KIF3B: variants seen among roughly 807,000 people sequenced by gnomAD.
The protein encoded by KIF3B is kinesin family member 3B, also known as kinesin-like protein KIF3B.
Under a neutral mutation model 74.3 loss-of-function variants are expected in KIF3B, and 38 were observed. The observed-to-expected ratio is 0.51, with a 90% CI of 0.39 to 0.67. The LOEUF (loss-of-function observed/expected upper bound fraction) is 0.67, where lower values mean the gene tolerates loss of function less well. Among genes scored for constraint, KIF3B ranks in the 30% least tolerant of loss-of-function variants. The pLI, the probability that KIF3B is intolerant of heterozygous loss-of-function variation, is 0.00. For synonymous variants in KIF3B, 326 were observed against 342.5 expected (o/e 0.95, Z 0.53); for missense variants, 649 against 932.0 (o/e 0.70, Z 3.95).
In KIF3B at chr20:32,327,849, C is replaced by T. The variant is rs772787787; in HGVS notation, c.1968+188C>T. Among the ~76,000 whole-genome samples, 190 of 152,130 alleles carry T rather than the reference C, an allele frequency of 1.2e-3. 4 individuals carry two copies. The highest frequency in any genetic ancestry group is 3.5e-4 in the Non-Finnish European group (24 of 68,010). On this transcript the variant is annotated intron_variant, in intron 7 of 8. Transcript: ENST00000375712. The stretch of plus-strand genomic sequence containing the variant: ...GCACAGTAGCTCACACTTGTAATCC[C>T]AGCAGTTTGAGAGTCCAAGGTGGGC...
chr20:32,316,726 C>A, intron 4 of KIF3B, 30 bp from the exon 5 acceptor site: 1 of 1,612,750 alleles, frequency 6.2e-7, no homozygotes, highest in Non-Finnish European at 8.5e-7. Flanking sequence ...GGACAGACAC[C>A]CTCCTCACCT....
chr20:32,317,001 G>A (rs13039321), intron 5 of KIF3B, 127 bp downstream of exon 5: 28,363 of 707,554 alleles, frequency 0.04, 798 homozygotes, highest in Non-Finnish European at 0.056. Context: ...TTTGGGAAGC[G>A]GAGGCGGGCA....
At chr20:32,303,857 CAAA>C (rs33920293) in intron 1 of KIF3B, among the ~76,000 whole-genome samples, 266 of 120,338 alleles carry the variant, frequency 2.2e-3, no homozygotes, top group African/African-American at 4.1e-3. Flanking sequence ...CTCAGTCTCA[CAAA>C]AAAAAAAAAA....
intron 1 of KIF3B, among the ~76,000 whole-genome samples, chr20:32,281,131 C>T (rs1395246387): frequency 6.6e-6 from 1 of 152,178 alleles, no homozygotes; most frequent in African/African-American, 2.4e-5. Flanking sequence ...AATAAGGTGC[C>T]TAATGGCTTA....
intron 5 of KIF3B, among the ~76,000 whole-genome samples, chr20:32,321,074 G>C (rs1443314722): frequency 6.6e-6 from 1 of 152,102 alleles, no homozygotes; most frequent in Non-Finnish European, 1.5e-5. Flanking sequence ...CAGATATCTA[G>C]TTGTTCCAGC....
At chr20:32,292,170 C>T (rs1336676362) in intron 1 of KIF3B, among the ~76,000 whole-genome samples, 1 of 151,966 alleles carries the variant, frequency 6.6e-6, no homozygotes, top group African/African-American at 2.4e-5. Flanking sequence ...AACTCCTAGG[C>T]TCAAGTGATC....
At chr20:32,291,863 C>T (rs1022050977) in intron 1 of KIF3B, among the ~76,000 whole-genome samples, 3 of 152,138 alleles carry the variant, frequency 2.0e-5, no homozygotes, top group African/African-American at 4.8e-5. Flanking sequence ...GTGATGCACC[C>T]TCCTCGGCCT....
intron 5 of KIF3B, among the ~76,000 whole-genome samples, chr20:32,324,262 A>G (rs2047892105): frequency 6.6e-6 from 1 of 152,156 alleles, no homozygotes; most frequent in Non-Finnish European, 1.5e-5. Flanking sequence ...CTACAAACTG[A>G]GAAGTTTTAA....
intron 6 of KIF3B, 25 bp downstream of exon 6, chr20:32,326,909 T>C: frequency 1.9e-6 from 2 of 1,062,472 alleles, no homozygotes; most frequent in Non-Finnish European, 2.8e-6. Context: ...ACTTCAAGTA[T>C]ATTTTCAAGT....
At chr20:32,296,589 C>T (rs1479539330) in intron 1 of KIF3B, among the ~76,000 whole-genome samples, 7 of 151,794 alleles carry the variant, frequency 4.6e-5, no homozygotes, top group Admixed American at 4.6e-4. Flanking sequence ...CAGAGTGAAA[C>T]TCGGTCTGAA....
chr20:32,314,688 A>G (rs1488705779), intron 2 of KIF3B, among the ~76,000 whole-genome samples: 1 of 152,190 alleles, frequency 6.6e-6, no homozygotes, highest in Non-Finnish European at 1.5e-5. Context: ...AGTGAGGTTT[A>G]TAAGTTTCTT....
intron 1 of KIF3B, 142 bp from the exon 2 acceptor site, chr20:32,309,571 G>A (rs1600428987): frequency 1.9e-6 from 1 of 533,308 alleles, no homozygotes; most frequent in East Asian, 3.0e-5. Flanking sequence ...TTAAGATCCT[G>A]TGAGGAAATA....
In KIF3B at chr20:32,309,857, C is replaced by T. The variant is rs571839477; in HGVS notation, c.80C>T (p.Ser27Leu). 47 of 1,613,966 alleles carry T rather than the reference C, an allele frequency of 2.9e-5. 1 individual carries two copies. Among genetic ancestry groups the T allele is most frequent in the Middle Eastern group, 1.6e-4 (1 of 6,084 alleles). ...ATGAATGGCAAGGAAAAGGCTGCTT[C>T]GTATGACAAAGTGGTGGATGTGGAT... ...RPMNGKEKAA[S>L]YDKVVDVDVK... The change falls in exon 2 of 9, where the codon TCG becomes TTG. Residue 27 changes from serine (S) to leucine (L), a missense_variant. By Grantham distance (145) the Ser-to-Leu change is moderately radical. Around this residue, in one of 4 missense-constraint regions of KIF3B, gnomAD observed 96 missense variants for 119.0 expected, o/e 0.81. Coordinates refer to ENST00000375712, the MANE Select transcript of KIF3B (RefSeq NM_004798.4).
chr20:32,293,654 GGGAGAA>G (rs2047703327), intron 1 of KIF3B, among the ~76,000 whole-genome samples: 1 of 151,948 alleles, frequency 6.6e-6, no homozygotes, highest in Admixed American at 6.6e-5. Context: ...TTGGGGGGCG[GGGAGAA>G]GGAGTTCTCC....
In KIF3B at chr20:32,316,661, A is replaced by T; in HGVS notation, c.1629+12A>T. The T allele has an allele frequency of 6.2e-7, 1 of 1,614,130 alleles. No homozygotes were observed. Among genetic ancestry groups the T allele is most frequent in the Non-Finnish European group, 8.5e-7 (1 of 1,180,012 alleles). On this transcript the variant is annotated intron_variant, in intron 4 of 8. Transcript: ENST00000375712. The stretch of plus-strand genomic sequence containing the variant: ...AAAAACTCAAAAAGGTATGAAAGGA[A>T]TGAGGCCAGATGGAGTTGCCTTGAG...
intron 2 of KIF3B, among the ~76,000 whole-genome samples, chr20:32,314,303 G>T (rs2047816267): frequency 6.6e-6 from 1 of 152,160 alleles, no homozygotes; most frequent in African/African-American, 2.4e-5. Context: ...ACTTTGGGAG[G>T]CCCAGGCAGG....
chr20:32,292,335 C>G (rs575846264), intron 1 of KIF3B, among the ~76,000 whole-genome samples: 4 of 151,958 alleles, frequency 2.6e-5, no homozygotes, highest in Non-Finnish European at 2.9e-5. Flanking sequence ...ACATGATGGA[C>G]CTGTAATACC....
intron 1 of KIF3B, among the ~76,000 whole-genome samples, chr20:32,307,996 A>G (rs569786098): frequency 2.0e-4 from 30 of 151,950 alleles, no homozygotes; most frequent in Non-Finnish European, 2.8e-4. Context: ...GCACTTTGAG[A>G]GAATGAGGTG....
intron 1 of KIF3B, among the ~76,000 whole-genome samples, chr20:32,304,849 A>T (rs985731815): frequency 1.4e-5 from 2 of 143,512 alleles, no homozygotes; most frequent in Non-Finnish European, 3.0e-5. Flanking sequence ...GCCTTTTGAT[A>T]AAAAAAAACA....
Sources: gnomAD v4.1 joint callset for allele counts (sites outside exome capture counted in the v4.1 genomes callset) on GRCh38, gnomAD v4.1.1 for gene constraint, gnomAD v4.1.1 regional missense constraint, MANE v1.5 for transcripts, NCBI Gene and HGNC (gene_info 2026-07-23, HGNC 2026-07-21) for gene names.